Variants in TRHR observed in about 807,000 individuals in gnomAD.
TRHR encodes the protein thyrotropin releasing hormone receptor.
In TRHR, 14 loss-of-function variants were observed where a neutral mutation model predicts 28.0. That is an observed-to-expected ratio of 0.50 (90% CI 0.33 to 0.78). TRHR has a LOEUF of 0.78. Ranked by LOEUF, TRHR falls within the 30% of genes least tolerant of loss-of-function variation. TRHR has a pLI of 0.02. For missense variants in TRHR, 438 were observed against 469.5 expected (o/e 0.93, Z 0.62); for synonymous variants, 176 against 171.9 (o/e 1.02, Z -0.18).
chr8:109,101,586 A>T (rs1223116126), intron 2 of TRHR, among the ~76,000 whole-genome samples: 2 of 152,198 alleles, frequency 1.3e-5, no homozygotes, highest in Non-Finnish European at 2.9e-5. Flanking sequence ...GGAAATAATA[A>T]ATGTTAGCTA....
In TRHR at chr8:109,112,845, G is replaced by T. The variant is rs140610051; in HGVS notation, c.790-6203G>T. Among the ~76,000 whole-genome samples, 21 of 152,222 alleles carry T rather than the reference G, an allele frequency of 1.4e-4. 1 individual carries two copies. In the East Asian group the frequency reaches 3.9e-3, roughly 28 times the overall value. ...ATAAGCTGTATTGCTTTATTTCTCT[G>T]CTTCTCTAAGCTCAGTTTTTACTTC... On this transcript the variant is annotated intron_variant, in intron 2 of 2. Coordinates refer to ENST00000518632, the MANE Select transcript of TRHR (RefSeq NM_003301.7).
chr8:109,096,708 C>T (rs1383420093), intron 2 of TRHR, among the ~76,000 whole-genome samples: 1 of 152,082 alleles, frequency 6.6e-6, no homozygotes, highest in Non-Finnish European at 1.5e-5. Flanking sequence ...AGGGCCCCCT[C>T]TTTTTTTGTG....
intron 2 of TRHR, among the ~76,000 whole-genome samples, chr8:109,102,024 T>C (rs925219473): frequency 2.4e-4 from 37 of 152,078 alleles, no homozygotes; most frequent in Non-Finnish European, 5.4e-4. Flanking sequence ...CAATGATAAA[T>C]GTAAAGATAA....
intron 2 of TRHR, among the ~76,000 whole-genome samples, chr8:109,093,895 C>A (rs528418887): frequency 6.6e-6 from 1 of 151,348 alleles, no homozygotes; most frequent in East Asian, 1.9e-4. Context: ...AGTTACCGAC[C>A]AGCCTTCACC....
At chr8:109,105,301 C>A (rs183589050) in intron 2 of TRHR, among the ~76,000 whole-genome samples, 2 of 152,250 alleles carry the variant, frequency 1.3e-5, no homozygotes, top group African/African-American at 4.8e-5. Flanking sequence ...CTATTCTCTG[C>A]TTTTTCCCAC....
chr8:109,110,332 CTA>C (rs1811811868), intron 2 of TRHR, among the ~76,000 whole-genome samples: 1 of 152,060 alleles, frequency 6.6e-6, no homozygotes, highest in Non-Finnish European at 1.5e-5. Flanking sequence ...TTACAGTGAG[CTA>C]TGATTACACC....
chr8:109,093,075 A>C (rs1476676069), intron 2 of TRHR, among the ~76,000 whole-genome samples: 2 of 152,156 alleles, frequency 1.3e-5, no homozygotes, highest in Non-Finnish European at 2.9e-5. Context: ...GATCAGGATT[A>C]AGTTTGTTTC....
chr8:109,117,944 G>C (rs1586197419), intron 2 of TRHR, among the ~76,000 whole-genome samples: 1 of 152,066 alleles, frequency 6.6e-6, no homozygotes, highest in East Asian at 1.9e-4. Context: ...TACATACATT[G>C]AGTCAGAATG....
At position 109,086,886 on chromosome 8, in the gene TRHR, A is replaced by G. The variant is rs1299358285; in HGVS notation, c.-89+3A>G. 2.6e-5 allele frequency: 4 copies of G among 155,614 alleles called. No individual in the cohort carries two copies. Among genetic ancestry groups the G allele is most frequent in the African/African-American group, 9.6e-5 (4 of 41,456 alleles). The allele number at this position is 155,614 out of a possible 1,614,324, so 9.6% of individuals were successfully genotyped here. On this transcript the variant is annotated splice_donor_region_variant and intron_variant, in intron 1 of 2. Coordinates refer to ENST00000518632, the MANE Select transcript of TRHR (RefSeq NM_003301.7). ...CAGGCAGCGCTACAGAGGATAAGGTAAGAGAAGAAATTGTCCTCTCTTGAA... is the reference window on the plus strand; with the variant it reads ...CAGGCAGCGCTACAGAGGATAAGGTGAGAGAAGAAATTGTCCTCTCTTGAA...
At chr8:109,093,855 T>TA (rs1811549904) in intron 2 of TRHR, among the ~76,000 whole-genome samples, 3 of 145,988 alleles carry the variant, frequency 2.1e-5, no homozygotes, top group African/African-American at 8.3e-5. Flanking sequence ...TCCAACTCAT[T>TA]TAAAAAAAAA....
At chr8:109,092,650 A>T (rs1190306502) in intron 2 of TRHR, among the ~76,000 whole-genome samples, 1 of 151,852 alleles carries the variant, frequency 6.6e-6, no homozygotes, top group Admixed American at 6.6e-5. Flanking sequence ...TGTTGGCCAG[A>T]CTGGTCTTGA....
rs1043024672 is a variant in TRHR, at chr8:109,120,312, C to T, written c.*857C>T. Among the ~76,000 whole-genome samples, 12 of 151,938 alleles carry T rather than the reference C, an allele frequency of 7.9e-5. No individual in the cohort carries two copies. The highest frequency in any genetic ancestry group is 6.8e-3 in the Middle Eastern group (2 of 294). ...TAATTAGATTTTGCTTCTTCTCTGACGCTTTTAAGCAATAAAATCTTTTTG... is the reference window on the plus strand; with the variant it reads ...TAATTAGATTTTGCTTCTTCTCTGATGCTTTTAAGCAATAAAATCTTTTTG... On this transcript the variant is annotated 3_prime_UTR_variant, in exon 3 of 3. Transcript: ENST00000518632.
At chr8:109,107,312 C>A (rs1479031475) in intron 2 of TRHR, among the ~76,000 whole-genome samples, 2 of 152,106 alleles carry the variant, frequency 1.3e-5, no homozygotes, top group African/African-American at 2.4e-5. Flanking sequence ...TATTGAGAAC[C>A]ATACCCTATG....
chr8:109,087,504 C>A lies in TRHR; in HGVS notation c.-9C>A. On this transcript the variant is annotated 5_prime_UTR_variant, in exon 2 of 3. Transcript: ENST00000518632. ...GTCAGTGTTTCCGAGAAACTTTAAG[C>A]TTCTAAAGATGGAAAACGAGACAGT... 6.2e-7 allele frequency: 1 copy of A among 1,614,112 alleles called. No individual in the cohort carries two copies. The highest frequency in any genetic ancestry group is 8.5e-7 in the Non-Finnish European group (1 of 1,180,024).
chr8:109,115,484 A>T (rs1586196099), intron 2 of TRHR, among the ~76,000 whole-genome samples: 1 of 151,908 alleles, frequency 6.6e-6, no homozygotes, highest in Admixed American at 6.6e-5. Context: ...CTTTTATTTC[A>T]TTGAGCAGTG....
intron 2 of TRHR, among the ~76,000 whole-genome samples, chr8:109,109,290 A>G (rs1811794005): frequency 6.6e-6 from 1 of 152,176 alleles, no homozygotes; most frequent in Non-Finnish European, 1.5e-5. Context: ...AATAGTAAAG[A>G]GAAAAAGATG....
intron 2 of TRHR, among the ~76,000 whole-genome samples, chr8:109,109,093 C>T (rs894955060): frequency 2.0e-5 from 3 of 152,090 alleles, no homozygotes; most frequent in Non-Finnish European, 2.9e-5. Context: ...AGTATCACAG[C>T]GTGAATAAGA....
At chr8:109,109,895 G>A (rs1811804407) in intron 2 of TRHR, among the ~76,000 whole-genome samples, 1 of 152,170 alleles carries the variant, frequency 6.6e-6, no homozygotes, top group African/African-American at 2.4e-5. Context: ...ATTTTCCACT[G>A]GAAGTACCTT....
rs76314197 is a variant in TRHR at position 109,099,630 on chromosome 8, TA to T, written c.789+11332del. On this transcript the variant is annotated intron_variant, in intron 2 of 2. Transcript: ENST00000518632. ...TTAAAGCTAATTTAGCTCTGAGAAT[TA>T]AACAAGGCCACATACATATGCACAT... 3.3e-5 allele frequency among the ~76,000 whole-genome samples: 5 copies of T among 152,260 alleles called. No individual in the cohort carries two copies. The East Asian group carries it at 9.6e-4, about 29-fold the overall frequency.
Sources: allele counts gnomAD v4.1 joint callset (sites outside exome capture counted in the v4.1 genomes callset), GRCh38; gene constraint gnomAD v4.1.1; transcripts MANE v1.5; gene names NCBI Gene and HGNC (gene_info 2026-07-23, HGNC 2026-07-21).